UNC80: variants seen among roughly 807,000 people sequenced by gnomAD.
UNC80 encodes the protein protein unc-80 homolog.
A neutral mutation model predicts 384.6 loss-of-function variants in UNC80; 164 were observed. That is an observed-to-expected ratio of 0.43 (90% CI 0.38 to 0.49). The LOEUF is 0.49. UNC80 is among the 20% of genes least tolerant of loss of function. The probability of loss-of-function intolerance (pLI) is 0.00; values close to 1 mark genes in which losing one functional copy is unlikely to be tolerated. For synonymous variants in UNC80, 1,486 were observed against 1,527.8 expected (o/e 0.97, Z 0.64); for missense variants, 3,330 against 4,143.0 (o/e 0.80, Z 5.39).
intron 48 of UNC80, among the ~76,000 whole-genome samples, chr2:209,956,113 T>G (rs2092406322): frequency 6.6e-6 from 1 of 152,116 alleles, no homozygotes; most frequent in African/African-American, 2.4e-5. Flanking sequence ...GATAAGTCAA[T>G]TAACTTATCC....
chr2:209,944,801 C>T (rs557090432), intron 45 of UNC80, among the ~76,000 whole-genome samples: 9 of 152,142 alleles, frequency 5.9e-5, no homozygotes, highest in Admixed American at 1.3e-4. Context: ...GTTCATATAT[C>T]GCTGTATTTT....
intron 29 of UNC80, among the ~76,000 whole-genome samples, chr2:209,906,733 G>C (rs113626019): frequency 1.6e-3 from 244 of 152,138 alleles, no homozygotes; most frequent in African/African-American, 5.7e-3. Flanking sequence ...AAGAAAAAAA[G>C]TAAATACGTT....
At position 209,998,209 on chromosome 2, in the gene UNC80, TA is replaced by T. The variant is rs1458166420; in HGVS notation, c.*2617del. 1 of 152,246 alleles carries T rather than the reference TA, an allele frequency of 6.6e-6. No homozygotes were observed. Among genetic ancestry groups the T allele is most frequent in the Non-Finnish European group, 1.5e-5 (1 of 68,038 alleles). 9.4% of individuals were successfully genotyped at this position (152,246 alleles called of 1,614,324 possible). A position where few individuals can be genotyped will look rare whatever the true frequency, so the allele number is the denominator to read the frequency against. Reference sequence around the variant, plus strand: ...AATTAGCTTTTGAGAGACCTTGGAATAAACCATGTGTTATCCATGATAGTAT... The same window carrying T: ...AATTAGCTTTTGAGAGACCTTGGAATAACCATGTGTTATCCATGATAGTAT... On this transcript the variant is annotated 3_prime_UTR_variant, in exon 65 of 65. Transcript: ENST00000673920.
chr2:209,875,364 A>C lies in UNC80; in HGVS notation c.3840+2394A>C, dbSNP rs186848359. On this transcript the variant is annotated intron_variant, in intron 23 of 64. Transcript: ENST00000673920. The stretch of plus-strand genomic sequence containing the variant: ...TTGCTCAGACCATTCCAAGATTATG[A>C]GTGATGAACTGAAATGAGCTAATGT... Among the ~76,000 whole-genome samples, 246 of 152,316 alleles carry C rather than the reference A, an allele frequency of 1.6e-3. 1 individual carries two copies. Among genetic ancestry groups the C allele is most frequent in the African/African-American group, 5.7e-3 (238 of 41,566 alleles).
At chr2:209,830,807 CAAG>C (rs1294833410) in intron 15 of UNC80, among the ~76,000 whole-genome samples, 1 of 152,152 alleles carries the variant, frequency 6.6e-6, no homozygotes, top group Non-Finnish European at 1.5e-5. Context: ...TGTGTGTGAG[CAAG>C]AAGGAGGTGG....
At chr2:209,859,184 C>T (rs1268001172) in intron 22 of UNC80, among the ~76,000 whole-genome samples, 2 of 151,672 alleles carry the variant, frequency 1.3e-5, no homozygotes, top group South Asian at 2.1e-4. Flanking sequence ...GTTTCCTCTC[C>T]TCACTCTCCA....
chr2:209,842,309 G>A (rs1337619189), intron 20 of UNC80, 41 bp from the exon 21 acceptor site: 1 of 1,418,962 alleles, frequency 7.0e-7, no homozygotes, highest in East Asian at 2.5e-5. Flanking sequence ...ATTTACCTTT[G>A]AATCTTATCT....
In UNC80 at chr2:209,777,295, C is replaced by A. The variant is rs1239183540; in HGVS notation, c.336C>A (p.Leu112=). The change falls in exon 4 of 65, where the codon CTC becomes CTA. Residue 112 remains leucine (L), a synonymous_variant. Transcript: ENST00000673920. ...QDKLGVAETK[L]LHTLHWMLLE... is the part of the protein sequence containing the mutation. Reference sequence around the variant, plus strand: ...AATTGGGTGTTGCTGAGACAAAGCTCCTTCACACTCTACACTGGATGCTTC... The same window carrying A: ...AATTGGGTGTTGCTGAGACAAAGCTACTTCACACTCTACACTGGATGCTTC... 4 of 1,610,756 alleles carry A rather than the reference C, an allele frequency of 2.5e-6. No homozygotes were observed. In the East Asian group the frequency reaches 8.9e-5, roughly 36 times the overall value.
intron 44 of UNC80, 26 bp downstream of exon 44, chr2:209,941,515 A>T: frequency 6.6e-7 from 1 of 1,514,186 alleles, no homozygotes; most frequent in Non-Finnish European, 8.9e-7. Flanking sequence ...TCTCCCAACC[A>T]GAAAATTAAC....
intron 4 of UNC80, among the ~76,000 whole-genome samples, chr2:209,783,598 T>A (rs2077265082): frequency 6.6e-6 from 1 of 152,148 alleles, no homozygotes; most frequent in South Asian, 2.1e-4. Context: ...TACTTGGAGA[T>A]GTATTTAGTA....
intron 13 of UNC80, among the ~76,000 whole-genome samples, chr2:209,823,396 A>T (rs1461547875): frequency 6.6e-6 from 1 of 152,206 alleles, no homozygotes; most frequent in Non-Finnish European, 1.5e-5. Context: ...CTTGCTCAGG[A>T]TGACCTTTTC....
chr2:209,906,515 G>C (rs541437876), intron 29 of UNC80, among the ~76,000 whole-genome samples: 1 of 152,046 alleles, frequency 6.6e-6, no homozygotes, highest in Non-Finnish European at 1.5e-5. Flanking sequence ...AACTGTGGGG[G>C]CTCAGAAAGT....
chr2:209,896,497 A>C, intron 28 of UNC80, 84 bp downstream of exon 28: 1 of 1,132,154 alleles, frequency 8.8e-7, no homozygotes, highest in South Asian at 1.3e-5. Context: ...AAGAGATTAT[A>C]CTAAATCATC....
chr2:209,911,999 C>T (rs913112882), intron 29 of UNC80, among the ~76,000 whole-genome samples: 8 of 152,162 alleles, frequency 5.3e-5, no homozygotes, highest in Admixed American at 5.2e-4. Flanking sequence ...ACAACTCAGT[C>T]CTTGATAATG....
intron 4 of UNC80, among the ~76,000 whole-genome samples, chr2:209,781,101 T>C (rs1361498340): frequency 1.3e-5 from 2 of 152,178 alleles, no homozygotes; most frequent in Non-Finnish European, 2.9e-5. Flanking sequence ...GACATGGTGC[T>C]ATAGGAGGCA....
Position 209,926,850 on chromosome 2 carries a change from A to G in UNC80, c.5670A>G (p.Glu1890=). The stretch of plus-strand genomic sequence containing the variant: ...TTTTGTCTCCCATTTTAGATGAGGA[A>G]CATACCACTGAACACACGCCGAACC... ...VRSAVSAEDE[E]HTTEHTPNHH... is the part of the protein sequence containing the mutation. Residue 1890 remains glutamate (E), a synonymous_variant, in exon 36 of 65, where the codon GAA becomes GAG. Transcript: ENST00000673920. The G allele has an allele frequency of 6.4e-7, 1 of 1,552,222 alleles. No individual in the cohort carries two copies.
intron 22 of UNC80, among the ~76,000 whole-genome samples, chr2:209,858,777 T>G (rs926680066): frequency 2.0e-5 from 3 of 151,706 alleles, no homozygotes. Context: ...TCTAGAAAAT[T>G]TAGTCTATTT....
At chr2:209,829,134 G>A in intron 14 of UNC80, 98 bp from the exon 15 acceptor site, 1 of 1,438,740 alleles carries the variant, frequency 7.0e-7, no homozygotes, top group Non-Finnish European at 9.3e-7. Flanking sequence ...GGGGATGGTT[G>A]GAAACCCTTG....
At chr2:209,873,067 G>T (rs2084441845) in intron 23 of UNC80, 97 bp downstream of exon 23, 6 of 1,185,442 alleles carry the variant, frequency 5.1e-6, no homozygotes, top group Non-Finnish European at 7.2e-6. Context: ...AATTTATTGA[G>T]TGTTTGTTAT....
Sources: allele counts gnomAD v4.1 joint callset (sites outside exome capture counted in the v4.1 genomes callset), GRCh38; gene constraint gnomAD v4.1.1; transcripts MANE v1.5; gene names NCBI Gene and HGNC (gene_info 2026-07-23, HGNC 2026-07-21).